The following GNAS variants were observed in gnomAD, a reference collection of about 807,000 sequenced individuals.
GNAS encodes GNAS complex locus.
Under a neutral mutation model 54.5 loss-of-function variants are expected in GNAS, and 8 were observed. The ratio of observed to expected loss-of-function variants is 0.15; its 90% CI spans 0.09 to 0.26. The LOEUF is 0.26. Among genes scored for constraint, GNAS ranks in the 10% least tolerant of loss-of-function variants. The pLI is 1.00. For synonymous variants in GNAS, 204 were observed against 191.4 expected, an observed-to-expected ratio of 1.07 and a Z score of -0.54; for missense variants, 170 against 529.8, an observed-to-expected ratio of 0.32 and a Z score of 6.67.
chr20:58,849,110 G>C (rs1480811139), intron 1 of GNAS, among the ~76,000 whole-genome samples: 1 of 152,104 alleles, frequency 6.6e-6, no homozygotes, highest in Non-Finnish European at 1.5e-5. Context: ...GCAAAGTCTG[G>C]AGACATTTTT....
Position 58,909,058 on chromosome 20 carries a change from G to A in GNAS, c.531-104G>A. The stretch of plus-strand genomic sequence containing the variant: ...CATTGACTTAGTGCTGCATAACTGT[G>A]GGACGGTCACTTCCGTTGAGCCTGA... On this transcript the variant is annotated intron_variant, in intron 6 of 12. Transcript: ENST00000371085. This position sits in a 1 kb window ranked among gnomAD's most constrained non-coding sequence, Gnocchi z 7.3. 1 of 921,836 alleles carries A rather than the reference G, an allele frequency of 1.1e-6. No individual in the cohort carries two copies. Among genetic ancestry groups the A allele is most frequent in the African/African-American group, 1.6e-5 (1 of 61,620 alleles). 57.1% of individuals were successfully genotyped at this position (921,836 alleles called of 1,614,324 possible).
intron 1 of GNAS, among the ~76,000 whole-genome samples, chr20:58,862,279 T>C (rs1373171654): frequency 6.6e-6 from 1 of 151,994 alleles, no homozygotes; most frequent in Non-Finnish European, 1.5e-5. Context: ...TGTCTCAGCC[T>C]CCCCAGTAGC....
chr20:58,855,587 G>A, intron 1 of GNAS: 1 of 717,684 alleles, frequency 1.4e-6, no homozygotes, highest in South Asian at 1.5e-5. Context: ...ACTGAGGGTC[G>A]TTTCCGGCTG....
chr20:58,910,451 C>A lies in GNAS; in HGVS notation c.1038+50C>A, dbSNP rs201137280. ...CCTCTCTTGTTCCTCCTCTTTTTCTCATGGATGTAAATTTACTTAATTCCA... is the reference window on the plus strand; with the variant it reads ...CCTCTCTTGTTCCTCCTCTTTTTCTAATGGATGTAAATTTACTTAATTCCA... On this transcript the variant is annotated intron_variant, in intron 12 of 12. Transcript: ENST00000371085. The surrounding 1 kb of genome is among the most constrained non-coding windows in gnomAD (Gnocchi z 5.8). 2 of 1,409,330 alleles carry A rather than the reference C, an allele frequency of 1.4e-6. No homozygotes were observed. The highest frequency in any genetic ancestry group is 2.3e-5 in the East Asian group (1 of 43,962). The allele number at this position is 1,409,330 out of a possible 1,614,324, so 87.3% of individuals were successfully genotyped here.
Position 58,909,158 on chromosome 20 carries a change from C to G in GNAS, c.531-4C>G. 1 of 1,613,818 alleles carries G rather than the reference C, an allele frequency of 6.2e-7. No individual in the cohort carries two copies. The highest frequency in any genetic ancestry group is 8.5e-7 in the Non-Finnish European group (1 of 1,179,746). On this transcript the variant is annotated splice_polypyrimidine_tract_variant and splice_region_variant and intron_variant, in intron 6 of 12. Transcript: ENST00000371085. The surrounding 1 kb of genome is among the most constrained non-coding windows in gnomAD (Gnocchi z 7.3). The stretch of plus-strand genomic sequence containing the variant: ...CACCCCACGTGTCTTTCTTTTTCTC[C>G]CAGCTTCCTGGACAAGATCGACGTG...
rs761431832 is a variant in GNAS at position 58,853,904 on chromosome 20, A to G, written c.43+13018A>G. The G allele has an allele frequency of 6.2e-7, 1 of 1,605,576 alleles. No individual in the cohort carries two copies. Among genetic ancestry groups the G allele is most frequent in the Non-Finnish European group, 8.5e-7 (1 of 1,176,518 alleles). ...TCAGGCCTGCAAAGGCTGGCTCCAG[A>G]GGAGGCTACAGCCCTCCCCCTGAGG... On this transcript the variant is annotated intron_variant, in intron 1 of 12. Transcript: ENST00000306090. The surrounding 1 kb of genome is among the most constrained non-coding windows in gnomAD (Gnocchi z 4.4).
chr20:58,893,257 T>C (rs1388188059), intron 1 of GNAS, among the ~76,000 whole-genome samples: 1 of 151,488 alleles, frequency 6.6e-6, no homozygotes, highest in African/African-American at 2.4e-5. Context: ...AAAAAAATAA[T>C]AATAAAATAA....
rs906678943 is a variant in GNAS, at chr20:58,855,151, A to C, written c.43+14265A>C. ...GGTCGATCTGAGAGTCCCCAGCCCAAAGCCTCGCGCTCTCTCAAGGTCAAG... is the reference window on the plus strand; with the variant it reads ...GGTCGATCTGAGAGTCCCCAGCCCACAGCCTCGCGCTCTCTCAAGGTCAAG... On this transcript the variant is annotated intron_variant, in intron 1 of 12. Coordinates refer to the GNAS transcript ENST00000306090. The C allele has an allele frequency of 5.2e-5, 84 of 1,612,908 alleles. No homozygotes were observed. Among genetic ancestry groups the C allele is most frequent in the Non-Finnish European group, 6.5e-5 (77 of 1,179,554 alleles).
At chr20:58,854,340 G>A in intron 1 of GNAS, 1 of 1,588,996 alleles carries the variant, frequency 6.3e-7, no homozygotes, top group Non-Finnish European at 8.6e-7. Context: ...GGAGGAAGCA[G>A]CAGAGATGGA....
chr20:58,888,050 C>T (rs2088714694), upstream of GNAS, among the ~76,000 whole-genome samples: 1 of 152,184 alleles, frequency 6.6e-6, no homozygotes, highest in Admixed American at 6.5e-5. Flanking sequence ...GTGGTATCAG[C>T]CGCCCCATAC....
chr20:58,877,082 C>T (rs1005956865), intron 1 of GNAS: 1 of 152,146 alleles, frequency 6.6e-6, no homozygotes, highest in African/African-American at 2.4e-5. Context: ...AGGGTCATTT[C>T]AACAGCAGCA....
chr20:58,884,097 C>T (rs1421948251), intron 1 of GNAS, among the ~76,000 whole-genome samples: 1 of 152,174 alleles, frequency 6.6e-6, no homozygotes, highest in East Asian at 1.9e-4. Context: ...GCGAATGACA[C>T]CTGAGGCCCA....
At chr20:58,866,785 T>C (rs527728713) in intron 1 of GNAS, among the ~76,000 whole-genome samples, 46 of 152,160 alleles carry the variant, frequency 3.0e-4, no homozygotes, top group East Asian at 1.9e-4. Context: ...TTTTCTTTTT[T>C]TTTTTTCCCT....
At chr20:58,898,787 CGACCTAA>C in intron 2 of GNAS, 147 bp from the exon 3 acceptor site, 1 of 765,452 alleles carries the variant, frequency 1.3e-6, no homozygotes, top group Non-Finnish European at 2.4e-6. Flanking sequence ...GCCAGAAAGG[CGACCTAA>C]GAATTGCCGG....
At chr20:58,855,788 G>A (rs1568930860) in intron 1 of GNAS, 3 of 606,816 alleles carry the variant, frequency 4.9e-6, no homozygotes, top group Admixed American at 2.9e-5. Flanking sequence ...ACAGCTTGTC[G>A]TTGGTGTGTG....
intron 1 of GNAS, chr20:58,852,669 C>G (rs911097240): frequency 9.5e-5 from 18 of 189,364 alleles, no homozygotes; most frequent in Admixed American, 9.2e-4. Context: ...GTCACGTGTC[C>G]CGCAACGCAG....
At chr20:58,889,211 C>A (rs970859176), upstream of GNAS, 3 of 1,191,442 alleles carry the variant, frequency 2.5e-6, no homozygotes, top group Admixed American at 3.0e-5. Flanking sequence ...CGGGCTGCGT[C>A]AGGTGGCTGG....
rs1034001785 is a variant in GNAS, at chr20:58,873,631, G to A, written c.44-21981G>A. Among the ~76,000 whole-genome samples the A allele has an allele frequency of 3.3e-5, 5 of 152,170 alleles. No individual in the cohort carries two copies. The highest frequency in any genetic ancestry group is 1.9e-4 in the East Asian group (1 of 5,194). Reference sequence around the variant, plus strand: ...CTCTAAGCTTGCAGTAGCTGCTCACGTGTCTGCCACGCCCCTTAGAAGGAC... The same window carrying A: ...CTCTAAGCTTGCAGTAGCTGCTCACATGTCTGCCACGCCCCTTAGAAGGAC... On this transcript the variant is annotated intron_variant, in intron 1 of 12. Coordinates refer to the GNAS transcript ENST00000306090. This position sits in a 1 kb window ranked among gnomAD's most constrained non-coding sequence, Gnocchi z 4.3.
Position 58,856,476 on chromosome 20 carries a change from G to A in GNAS, c.43+15590G>A, listed in dbSNP as rs188495607. 2.0e-5 allele frequency: 3 copies of A among 152,760 alleles called. No individual in the cohort carries two copies. The East Asian group carries it at 5.8e-4, about 29-fold the overall frequency. The allele number at this position is 152,760 out of a possible 1,614,324, so 9.5% of individuals were successfully genotyped here. Reference sequence around the variant, plus strand: ...AGGAGGGGCTTGGTTTAAAAAGATGGGGGTTATGTGTTGTGAGTGGAATGT... The same window carrying A: ...AGGAGGGGCTTGGTTTAAAAAGATGAGGGTTATGTGTTGTGAGTGGAATGT... On this transcript the variant is annotated intron_variant, in intron 1 of 12. Transcript: ENST00000306090. The surrounding 1 kb of genome is among the most constrained non-coding windows in gnomAD (Gnocchi z 4.2).
Sources: allele counts gnomAD v4.1 joint callset (sites outside exome capture counted in the v4.1 genomes callset), GRCh38; gene constraint gnomAD v4.1.1; non-coding constraint Gnocchi (gnomAD v3.1); transcripts MANE v1.5; gene names NCBI Gene and HGNC (gene_info 2026-07-23, HGNC 2026-07-21).